GPR158: variants seen among roughly 807,000 people sequenced by gnomAD.
GPR158 encodes the protein G protein-coupled receptor 158.
GPR158 carries 30 observed loss-of-function variants against 78.2 expected under a neutral mutation model. The observed-to-expected ratio is 0.38, with a 90% CI of 0.29 to 0.52. The LOEUF (loss-of-function observed/expected upper bound fraction) is 0.52, where lower values mean the gene tolerates loss of function less well. GPR158 is among the 20% of genes least tolerant of loss of function. GPR158 has a pLI of 0.83. For missense variants in GPR158, 1,463 were observed against 1,523.5 expected, an observed-to-expected ratio of 0.96 and a Z score of 0.66; for synonymous variants, 581 against 591.1, an observed-to-expected ratio of 0.98 and a Z score of 0.25.
chr10:25,545,048 A>G (rs1259774958), intron 5 of GPR158, among the ~76,000 whole-genome samples: 2 of 152,066 alleles, frequency 1.3e-5, no homozygotes, highest in Non-Finnish European at 2.9e-5. Context: ...CATCCTTTTT[A>G]TGGCTGCATA....
chr10:25,570,624 C>G (rs1299337944), intron 6 of GPR158, among the ~76,000 whole-genome samples: 1 of 152,116 alleles, frequency 6.6e-6, no homozygotes. Context: ...AGAAATAAGT[C>G]TCCTTGCGTG....
intron 2 of GPR158, among the ~76,000 whole-genome samples, chr10:25,340,440 A>T (rs780448305): frequency 9.2e-5 from 14 of 152,116 alleles, no homozygotes; most frequent in Non-Finnish European, 1.0e-4. Context: ...AAACAGAAAC[A>T]TTCCAGTCAG....
At chr10:25,348,304 A>G (rs1855402460) in intron 2 of GPR158, among the ~76,000 whole-genome samples, 1 of 151,668 alleles carries the variant, frequency 6.6e-6, no homozygotes, top group African/African-American at 2.4e-5. Context: ...TTAATGTCTA[A>G]GACACAAATG....
intron 4 of GPR158, among the ~76,000 whole-genome samples, chr10:25,464,346 G>A (rs1321663036): frequency 6.6e-6 from 1 of 152,114 alleles, no homozygotes; most frequent in South Asian, 2.1e-4. Context: ...CCCTGGGAAG[G>A]TCCCCCACTC....
intron 2 of GPR158, among the ~76,000 whole-genome samples, chr10:25,284,669 TTTTA>T (rs60602714): frequency 8.2e-4 from 125 of 152,112 alleles, no homozygotes; most frequent in African/African-American, 2.9e-3. Context: ...GCTATGCATT[TTTTA>T]TTCTTGTTCT....
At chr10:25,457,406 T>C (rs1835305342) in intron 4 of GPR158, among the ~76,000 whole-genome samples, 1 of 152,060 alleles carries the variant, frequency 6.6e-6, no homozygotes, top group Admixed American at 6.6e-5. Flanking sequence ...ACAAGATCTC[T>C]TTATGTGATA....
intron 4 of GPR158, among the ~76,000 whole-genome samples, chr10:25,428,807 G>A (rs560490008): frequency 3.3e-5 from 5 of 151,998 alleles, no homozygotes; most frequent in Non-Finnish European, 5.9e-5. Context: ...TATGTAACGC[G>A]ACGCTTGATT....
In GPR158 at chr10:25,180,000, G is replaced by C. The variant is rs149429118; in HGVS notation, c.902+3678G>C. Among the ~76,000 whole-genome samples the C allele has an allele frequency of 2.3e-3, 347 of 152,198 alleles. 3 individuals carry two copies. Among genetic ancestry groups the C allele is most frequent in the East Asian group, 0.02 (106 of 5,182 alleles). On this transcript the variant is annotated intron_variant, in intron 1 of 10. Coordinates refer to ENST00000376351, the MANE Select transcript of GPR158 (RefSeq NM_020752.3). ...AATGCATAGATAGCTCTCTGGTGGT[G>C]GTTGGAATTGTTCAGTGCCTAGGAT...
At chr10:25,549,439 A>T (rs1836701986) in intron 5 of GPR158, among the ~76,000 whole-genome samples, 1 of 151,602 alleles carries the variant, frequency 6.6e-6, no homozygotes, top group African/African-American at 2.4e-5. Context: ...TTGTTTTGTG[A>T]AAACAGTAAA....
intron 7 of GPR158, among the ~76,000 whole-genome samples, chr10:25,576,408 G>T (rs1425355442): frequency 2.0e-5 from 3 of 152,008 alleles, no homozygotes; most frequent in Non-Finnish European, 4.4e-5. Context: ...TGTTTTCATT[G>T]TACTTTACTC....
chr10:25,275,978 A>G (rs543723901), intron 2 of GPR158, among the ~76,000 whole-genome samples: 1 of 152,192 alleles, frequency 6.6e-6, no homozygotes, highest in Non-Finnish European at 1.5e-5. Flanking sequence ...TAGCTTGTAC[A>G]TCATCTTTGA....
chr10:25,434,835 T>A (rs1262394160), intron 4 of GPR158, among the ~76,000 whole-genome samples: 4 of 152,190 alleles, frequency 2.6e-5, no homozygotes, highest in Admixed American at 2.0e-4. Context: ...CCTAGTCTCC[T>A]AGGGTTGTGG....
chr10:25,199,414 G>T (rs1200384887), intron 1 of GPR158, among the ~76,000 whole-genome samples: 1 of 152,078 alleles, frequency 6.6e-6, no homozygotes, highest in Non-Finnish European at 1.5e-5. Context: ...TGCATTATTT[G>T]GTCTTCTGTT....
At chr10:25,369,331 A>G (rs1833954288) in intron 2 of GPR158, among the ~76,000 whole-genome samples, 1 of 150,088 alleles carries the variant, frequency 6.7e-6, no homozygotes, top group Non-Finnish European at 1.5e-5. Flanking sequence ...TATTATTTTG[A>G]GATACATCCC....
At chr10:25,548,392 G>A (rs1255745509) in intron 5 of GPR158, among the ~76,000 whole-genome samples, 1 of 152,130 alleles carries the variant, frequency 6.6e-6, no homozygotes, top group Non-Finnish European at 1.5e-5. Flanking sequence ...GCTGCAGTGA[G>A]AATGGTAACT....
intron 2 of GPR158, among the ~76,000 whole-genome samples, chr10:25,371,337 T>C (rs1366279253): frequency 6.6e-6 from 1 of 151,974 alleles, no homozygotes; most frequent in Non-Finnish European, 1.5e-5. Flanking sequence ...TAGCGCTTCC[T>C]TCAGGAGGTC....
intron 2 of GPR158, among the ~76,000 whole-genome samples, chr10:25,386,417 G>C (rs976986222): frequency 6.6e-6 from 1 of 151,986 alleles, no homozygotes; most frequent in Admixed American, 6.6e-5. Flanking sequence ...TGATGATTTC[G>C]GGTGCTTGGG....
intron 4 of GPR158, among the ~76,000 whole-genome samples, chr10:25,464,194 T>C (rs540636227): frequency 6.6e-6 from 1 of 152,282 alleles, no homozygotes; most frequent in South Asian, 2.1e-4. Flanking sequence ...GATTATCTGC[T>C]CTGAGAATAT....
chr10:25,346,355 A>G (rs1855371521), intron 2 of GPR158, among the ~76,000 whole-genome samples: 1 of 151,956 alleles, frequency 6.6e-6, no homozygotes. Context: ...TTGCAAAAGG[A>G]GAAACCCTAT....
Sources: allele counts gnomAD v4.1 joint callset (sites outside exome capture counted in the v4.1 genomes callset), GRCh38; gene constraint gnomAD v4.1.1; transcripts MANE v1.5; gene names NCBI Gene and HGNC (gene_info 2026-07-23, HGNC 2026-07-21).